Variants in COX20 observed in about 807,000 individuals in gnomAD.
COX20 encodes the protein cytochrome c oxidase assembly protein COX20, mitochondrial.
Under a neutral mutation model 14.3 loss-of-function variants are expected in COX20, and 14 were observed. That is an observed-to-expected ratio of 0.98 (90% confidence interval 0.65 to 1.53). The LOEUF is 1.53. Among genes scored for constraint, COX20 ranks in the 40% most tolerant of loss-of-function variants. The probability of loss-of-function intolerance (pLI) is 0.00; values close to 1 mark genes in which losing one functional copy is unlikely to be tolerated. For missense variants in COX20, 149 were observed against 142.1 expected (o/e 1.05, Z -0.25); for synonymous variants, 56 against 51.7 (o/e 1.08, Z -0.36).
intron 1 of COX20, among the ~76,000 whole-genome samples, chr1:244,839,508 A>G (rs1225362203): frequency 6.6e-6 from 1 of 152,168 alleles, no homozygotes; most frequent in Non-Finnish European, 1.5e-5. Flanking sequence ...CAGGCTACTT[A>G]AGGAATAGAA....
In COX20 at chr1:244,842,426, A is replaced by C. The variant is rs929999793; in HGVS notation, c.221+168A>C. On this transcript the variant is annotated intron_variant, in intron 3 of 3. Coordinates refer to ENST00000411948, the MANE Select transcript of COX20 (RefSeq NM_198076.6). ...GAAATCTTAAAATGCTTGAACAGAT[A>C]AATGCATATTAGACATCCCATTAAA... 6.5e-6 allele frequency: 4 copies of C among 613,948 alleles called. No homozygotes were observed. The Admixed American group carries it at 8.5e-5, about 13-fold the overall frequency. The allele number at this position is 613,948 out of a possible 1,614,324, so 38.0% of individuals were successfully genotyped here.
chr1:244,837,646 G>T (rs189365162), intron 1 of COX20, among the ~76,000 whole-genome samples: 1 of 152,192 alleles, frequency 6.6e-6, no homozygotes, highest in East Asian at 1.9e-4. Flanking sequence ...GACACTGAAC[G>T]AGGTACTAGA....
rs1680212387 is a variant in COX20 at position 244,841,845 on chromosome 1, TCAACTA to T, written c.43-95_43-90del. 27 of 708,676 alleles carry T rather than the reference TCAACTA, an allele frequency of 3.8e-5. 1 individual carries two copies. In the South Asian group the frequency reaches 4.9e-4, roughly 13 times the overall value. The allele number at this position is 708,676 out of a possible 1,614,324, so 43.9% of individuals were successfully genotyped here. ...GTGGCACATACTCTAGTTTAAACCCTCAACTACAAGAAAAGAAATGGTGTATTGTCA... is the reference window on the plus strand; with the variant it reads ...GTGGCACATACTCTAGTTTAAACCCTCAAGAAAAGAAATGGTGTATTGTCA... On this transcript the variant is annotated intron_variant, in intron 1 of 3. Coordinates refer to ENST00000411948, the MANE Select transcript of COX20 (RefSeq NM_198076.6).
In COX20 at chr1:244,843,282, T is replaced by C; in HGVS notation, c.*106T>C. The stretch of plus-strand genomic sequence containing the variant: ...CAAGTAAATAAAGTTTAAGTTGTAG[T>C]CATTTTTTTCCCACACTTGTGTGGA... On this transcript the variant is annotated 3_prime_UTR_variant, in exon 4 of 4. Coordinates refer to ENST00000411948, the MANE Select transcript of COX20 (RefSeq NM_198076.6). 1 of 1,344,026 alleles carries C rather than the reference T, an allele frequency of 7.4e-7. No homozygotes were observed. The highest frequency in any genetic ancestry group is 1.0e-6 in the Non-Finnish European group (1 of 985,276). 83.3% of individuals were successfully genotyped at this position (1,344,026 alleles called of 1,614,324 possible).
intron 1 of COX20, among the ~76,000 whole-genome samples, chr1:244,838,351 T>G (rs979628140): frequency 1.3e-5 from 2 of 152,052 alleles, no homozygotes; most frequent in Non-Finnish European, 1.5e-5. Flanking sequence ...TGGGAGAGAT[T>G]AGGGTTTGAT....
At chr1:244,837,990 G>GACA (rs1680049620) in intron 1 of COX20, among the ~76,000 whole-genome samples, 1 of 152,108 alleles carries the variant, frequency 6.6e-6, no homozygotes, top group Non-Finnish European at 1.5e-5. Context: ...GTTGATAGAT[G>GACA]GTAATTTGAT....
intron 2 of COX20, 27 bp from the exon 3 acceptor site, chr1:244,842,168 A>G: frequency 6.5e-7 from 1 of 1,531,338 alleles, no homozygotes; most frequent in Non-Finnish European, 9.0e-7. Context: ...ATTATATTCT[A>G]ATTAATTGTT....
chr1:244,835,650 C>G (rs915373911), upstream of COX20: 103 of 1,197,480 alleles, frequency 8.6e-5, no homozygotes, highest in Non-Finnish European at 1.1e-4. Flanking sequence ...AGGGGCGCGG[C>G]CAGCCGGGCT....
rs1480417826 is a variant in COX20, at chr1:244,842,210, C to G, written c.173C>G (p.Ser58Ter). Residue 58 changes from serine (S) to a stop codon, truncating the protein, a stop_gained, in exon 3 of 4, where the codon TCA becomes TGA. Coordinates refer to ENST00000411948, the MANE Select transcript of COX20 (RefSeq NM_198076.6). LOFTEE classifies it high-confidence loss of function. The part of the protein sequence containing the change: ...HFLFTSRIRR[S>*]CDVGVGGFIL... Reference sequence around the variant, plus strand: ...ATTTTTACAGGTAGAATTAGAAGATCATGTGATGTTGGAGTAGGAGGGTTT... The same window carrying G: ...ATTTTTACAGGTAGAATTAGAAGATGATGTGATGTTGGAGTAGGAGGGTTT... The G allele has an allele frequency of 1.2e-6, 2 of 1,606,654 alleles. No individual in the cohort carries two copies. The highest frequency in any genetic ancestry group is 1.7e-6 in the Non-Finnish European group (2 of 1,173,810).
chr1:244,843,440 CAT>C lies in COX20; in HGVS notation c.*266_*267del, dbSNP rs1680295911. 4 of 397,484 alleles carry C rather than the reference CAT, an allele frequency of 1.0e-5. No individual in the cohort carries two copies. The highest frequency in any genetic ancestry group is 2.2e-5 in the African/African-American group (1 of 46,104). 24.6% of individuals were successfully genotyped at this position (397,484 alleles called of 1,614,324 possible). A position where few individuals can be genotyped will look rare whatever the true frequency, so the allele number is the denominator to read the frequency against. On this transcript the variant is annotated 3_prime_UTR_variant, in exon 4 of 4. Coordinates refer to ENST00000411948, the MANE Select transcript of COX20 (RefSeq NM_198076.6). Reference sequence around the variant, plus strand: ...GGCAGTGTGGCAAAGAATTATAAAACATAGTGTTTAATGTACTTGGAGTTTCC... The same window carrying C: ...GGCAGTGTGGCAAAGAATTATAAAACAGTGTTTAATGTACTTGGAGTTTCC...
At position 244,842,778 on chromosome 1, in the gene COX20, A is replaced by G. The variant is rs1352724107; in HGVS notation, c.222-263A>G. The G allele has an allele frequency of 2.3e-5, 7 of 304,562 alleles. No homozygotes were observed. The Admixed American group carries it at 2.9e-4, about 13-fold the overall frequency. The allele number at this position is 304,562 out of a possible 1,614,324, so 18.9% of individuals were successfully genotyped here. ...CTTGTTTCTTATAATAGCCAATGCT[A>G]TCAGAAGACTTAAAAACTAATGGAT... On this transcript the variant is annotated intron_variant, in intron 3 of 3. Transcript: ENST00000411948.
Position 244,843,075 on chromosome 1 carries a change from A to G in COX20, c.256A>G (p.Ile86Val). 6.3e-7 allele frequency: 1 copy of G among 1,592,892 alleles called. No homozygotes were observed. Among genetic ancestry groups the G allele is most frequent in the Non-Finnish European group, 8.5e-7 (1 of 1,171,748 alleles). ...TAGGTATAATTATGCAAAGCAAAGA[A>G]TCCAGGAAAGAATTGCCAGAGAAGA... ...HCRYNYAKQR[I>V]QERIAREEIK... The change falls in exon 4 of 4, where the codon ATC becomes GTC. Residue 86 changes from isoleucine to valine, a missense_variant. Transcript: ENST00000411948.
chr1:244,841,517 C>G (rs1680199779), intron 1 of COX20: 1 of 161,528 alleles, frequency 6.2e-6, no homozygotes, highest in Non-Finnish European at 1.4e-5. Context: ...AACGGCACTA[C>G]ATAAGCAAAC....
chr1:244,835,894 GTCCTTA>G, intron 1 of COX20, 138 bp downstream of exon 1: 1 of 632,524 alleles, frequency 1.6e-6, no homozygotes, highest in East Asian at 3.4e-5. Flanking sequence ...ACTGTTCCTA[GTCCTTA>G]TCCCAAGCCT....
At chr1:244,842,983 T>C in intron 3 of COX20, 58 bp from the exon 4 acceptor site, 4 of 1,283,666 alleles carry the variant, frequency 3.1e-6, no homozygotes, top group Non-Finnish European at 4.2e-6. Flanking sequence ...AGAAATTTCA[T>C]AAATTAATTT....
At chr1:244,842,151 T>C in intron 2 of COX20, 44 bp from the exon 3 acceptor site, 1 of 1,480,670 alleles carries the variant, frequency 6.8e-7, no homozygotes, top group Non-Finnish European at 9.4e-7. Flanking sequence ...GTAATGTATA[T>C]AACGTAATTA....
chr1:244,841,883 C>A, intron 1 of COX20, 61 bp from the exon 2 acceptor site: 1 of 1,058,454 alleles, frequency 9.4e-7, no homozygotes, highest in Non-Finnish European at 1.4e-6. Flanking sequence ...GTCATTTTTG[C>A]CAAAGCACCC....
At chr1:244,837,278 T>C (rs1434230150) in intron 1 of COX20, among the ~76,000 whole-genome samples, 1 of 152,174 alleles carries the variant, frequency 6.6e-6, no homozygotes, top group Non-Finnish European at 1.5e-5. Flanking sequence ...CAGTAGTACC[T>C]ATCAGAGCCC....
At position 244,843,284 on chromosome 1, in the gene COX20, A is replaced by G; in HGVS notation, c.*108A>G. The G allele has an allele frequency of 7.5e-7, 1 of 1,327,540 alleles. No homozygotes were observed. The allele number at this position is 1,327,540 out of a possible 1,614,324, so 82.2% of individuals were successfully genotyped here. A position where few individuals can be genotyped will look rare whatever the true frequency, so the allele number is the denominator to read the frequency against. On this transcript the variant is annotated 3_prime_UTR_variant, in exon 4 of 4. Transcript: ENST00000411948. ...AGTAAATAAAGTTTAAGTTGTAGTC[A>G]TTTTTTTCCCACACTTGTGTGGAAT...
Sources: gnomAD v4.1 joint callset for allele counts (sites outside exome capture counted in the v4.1 genomes callset) on GRCh38, gnomAD v4.1.1 for gene constraint, MANE v1.5 for transcripts, NCBI Gene and HGNC (gene_info 2026-07-23, HGNC 2026-07-21) for gene names.